The following FOXN3 variants were observed in gnomAD, a reference collection of about 807,000 sequenced individuals.
The protein encoded by FOXN3 is forkhead box N3.
In FOXN3, 7 loss-of-function variants were observed where a neutral mutation model predicts 38.4. That is an observed-to-expected ratio of 0.18 (90% CI 0.10 to 0.34). The LOEUF (loss-of-function observed/expected upper bound fraction) is 0.34. FOXN3 is among the 10% of genes least tolerant of loss of function. The pLI, the probability that FOXN3 is intolerant of heterozygous loss-of-function variation, is 1.00. For synonymous variants in FOXN3, 230 were observed against 242.2 expected, an observed-to-expected ratio of 0.95 and a Z score of 0.47; for missense variants, 456 against 613.4, an observed-to-expected ratio of 0.74 and a Z score of 2.71.
rs966842142 is a variant in FOXN3, at chr14:89,303,149, G to A, written c.681-22135C>T. On this transcript the variant is annotated intron_variant, in intron 3 of 5. Coordinates refer to ENST00000557258, the MANE Select transcript of FOXN3 (RefSeq NM_005197.4). ...CACCCCTTGTCTTTTAGTTTTTTTC[G>A]CTCTGACAATACCAAGTTGCTCATG... Among the ~76,000 whole-genome samples, 30 of 151,950 alleles carry A rather than the reference G, an allele frequency of 2.0e-4. No homozygotes were observed. The South Asian group carries it at 6.0e-3, about 31-fold the overall frequency.
chr14:89,222,589 A>C (rs921698031), intron 4 of FOXN3, among the ~76,000 whole-genome samples: 1 of 152,122 alleles, frequency 6.6e-6, no homozygotes, highest in Non-Finnish European at 1.5e-5. Context: ...AGCTCAACCC[A>C]GGAGTCAGGG....
chr14:89,260,114 T>C (rs971064969), intron 4 of FOXN3, among the ~76,000 whole-genome samples: 3 of 152,222 alleles, frequency 2.0e-5, no homozygotes, highest in African/African-American at 7.2e-5. Flanking sequence ...TTCCAGTTGT[T>C]AAACAACACG....
rs149942384 is a variant in FOXN3, at chr14:89,366,796, C to T, written c.544-15988G>A. 2.1e-3 allele frequency among the ~76,000 whole-genome samples: 322 copies of T among 152,212 alleles called. 2 individuals are homozygous for T. Among genetic ancestry groups the T allele is most frequent in the African/African-American group, 7.2e-3 (301 of 41,522 alleles). ...TAACAAACGAGTCAGGTTTTATGGA[C>T]GGCAATAAAGGTAACGTGGGCCTGA... On this transcript the variant is annotated intron_variant, in intron 2 of 5. Coordinates refer to ENST00000557258, the MANE Select transcript of FOXN3 (RefSeq NM_005197.4).
intron 4 of FOXN3, among the ~76,000 whole-genome samples, chr14:89,224,812 AAC>A (rs1884580223): frequency 6.6e-6 from 1 of 152,178 alleles, no homozygotes; most frequent in East Asian, 1.9e-4. Context: ...TAGCCTGGGT[AAC>A]ATAGCAAGAC....
chr14:89,481,258 T>C (rs1893321592), intron 1 of FOXN3, among the ~76,000 whole-genome samples: 1 of 152,160 alleles, frequency 6.6e-6, no homozygotes, highest in Non-Finnish European at 1.5e-5. Context: ...ATCTTTTCCA[T>C]GTAAAATGCA....
intron 1 of FOXN3, among the ~76,000 whole-genome samples, chr14:89,555,880 T>TGGGGGGGGGGGG (rs57759148): frequency 5.0e-5 from 5 of 99,694 alleles, no homozygotes; most frequent in South Asian, 4.1e-4. Context: ...TGTGTGTATG[T>TGGGGGGGGGGGG]GGGGGTGTAT....
Position 89,326,913 on chromosome 14 carries a change from C to T in FOXN3, c.680+23759G>A, listed in dbSNP as rs148670051. Reference sequence around the variant, plus strand: ...CAACAACTATTTATTGAGTGCTTCCCGTGCCTGACATTGTGATCCATCTAT... The same window carrying T: ...CAACAACTATTTATTGAGTGCTTCCTGTGCCTGACATTGTGATCCATCTAT... On this transcript the variant is annotated intron_variant, in intron 3 of 5. Transcript: ENST00000557258. 1.9e-3 allele frequency among the ~76,000 whole-genome samples: 285 copies of T among 152,244 alleles called. 2 individuals are homozygous for T. Among genetic ancestry groups the T allele is most frequent in the African/African-American group, 6.5e-3 (271 of 41,536 alleles).
At chr14:89,454,950 G>A (rs1892689646) in intron 1 of FOXN3, among the ~76,000 whole-genome samples, 1 of 152,152 alleles carries the variant, frequency 6.6e-6, no homozygotes, top group East Asian at 1.9e-4. Flanking sequence ...GTGGCTGTTG[G>A]CTGTGTATTT....
intron 1 of FOXN3, among the ~76,000 whole-genome samples, chr14:89,493,414 G>A (rs1276377411): frequency 2.0e-5 from 3 of 152,070 alleles, no homozygotes; most frequent in South Asian, 2.1e-4. Flanking sequence ...ACACTCCTCC[G>A]AAATTACTGC....
intron 1 of FOXN3, among the ~76,000 whole-genome samples, chr14:89,539,215 T>C (rs1894748608): frequency 6.6e-6 from 1 of 152,236 alleles, no homozygotes; most frequent in Non-Finnish European, 1.5e-5. Context: ...ACTGAAACCT[T>C]TCCCAATTTG....
chr14:89,424,006 T>A (rs1418769315), intron 1 of FOXN3, among the ~76,000 whole-genome samples: 1 of 152,210 alleles, frequency 6.6e-6, no homozygotes, highest in Non-Finnish European at 1.5e-5. Flanking sequence ...CATTTATGCC[T>A]GGCAGAAGAC....
At chr14:89,318,671 C>G (rs1887805414) in intron 3 of FOXN3, among the ~76,000 whole-genome samples, 1 of 152,178 alleles carries the variant, frequency 6.6e-6, no homozygotes, top group South Asian at 2.1e-4. Context: ...TGCATCAACC[C>G]TATGAGAAAG....
At chr14:89,601,135 T>G (rs551833181) in intron 1 of FOXN3, among the ~76,000 whole-genome samples, 2 of 152,334 alleles carry the variant, frequency 1.3e-5, no homozygotes, top group South Asian at 4.1e-4. Context: ...AAAATAGCGT[T>G]GATGCCTAAT....
intron 1 of FOXN3, among the ~76,000 whole-genome samples, chr14:89,511,894 A>G (rs1325979667): frequency 1.3e-5 from 2 of 152,214 alleles, no homozygotes; most frequent in Non-Finnish European, 2.9e-5. Context: ...AGCCTCTTAT[A>G]AAACCATCAG....
At chr14:89,310,015 C>A (rs1186550455) in intron 3 of FOXN3, among the ~76,000 whole-genome samples, 1 of 152,184 alleles carries the variant, frequency 6.6e-6, no homozygotes, top group East Asian at 1.9e-4. Flanking sequence ...CCTACCCATG[C>A]GGGGGTGGGG....
At chr14:89,416,629 C>T (rs979059936) in intron 1 of FOXN3, among the ~76,000 whole-genome samples, 1 of 152,162 alleles carries the variant, frequency 6.6e-6, no homozygotes, top group East Asian at 1.9e-4. Context: ...TTGCGGGCGT[C>T]TTTTCGGAAA....
At chr14:89,172,649 C>T (rs1273484780) in intron 5 of FOXN3, among the ~76,000 whole-genome samples, 2 of 152,066 alleles carry the variant, frequency 1.3e-5, no homozygotes, top group Non-Finnish European at 2.9e-5. Flanking sequence ...GTGGTATTGC[C>T]ATGGTACAGG....
chr14:89,292,667 T>C (rs1039263143), intron 3 of FOXN3, among the ~76,000 whole-genome samples: 1 of 152,158 alleles, frequency 6.6e-6, no homozygotes, highest in Admixed American at 6.6e-5. Flanking sequence ...GGCCCCATTT[T>C]GCAAGCAGCC....
At chr14:89,482,438 T>C (rs753905312) in intron 1 of FOXN3, among the ~76,000 whole-genome samples, 3 of 151,924 alleles carry the variant, frequency 2.0e-5, no homozygotes, top group South Asian at 2.1e-4. Context: ...CTGAACAACA[T>C]AGCAAGACCC....
Sources: gnomAD v4.1 joint callset for allele counts (sites outside exome capture counted in the v4.1 genomes callset) on GRCh38, gnomAD v4.1.1 for gene constraint, MANE v1.5 for transcripts, NCBI Gene and HGNC (gene_info 2026-07-23, HGNC 2026-07-21) for gene names.